Variants in CPAMD8 observed in about 807,000 individuals in gnomAD.
CPAMD8 encodes C3 and PZP-like alpha-2-macroglobulin domain-containing protein 8.
Under a neutral mutation model 224.7 loss-of-function variants are expected in CPAMD8, and 146 were observed. That is an observed-to-expected ratio of 0.65 (90% CI 0.57 to 0.75). CPAMD8 has a LOEUF of 0.75. Among genes scored for constraint, CPAMD8 ranks in the 30% least tolerant of loss-of-function variants. The pLI is 0.00. For synonymous variants in CPAMD8, 966 were observed against 1,044.6 expected, an observed-to-expected ratio of 0.92 and a Z score of 1.45; for missense variants, 2,301 against 2,537.5, an observed-to-expected ratio of 0.91 and a Z score of 2.00.
chr19:16,939,019 C>G (rs556374251), intron 22 of CPAMD8, among the ~76,000 whole-genome samples: 30 of 152,316 alleles, frequency 2.0e-4, no homozygotes, highest in Admixed American at 7.8e-4. Flanking sequence ...ATTTAACCCC[C>G]TATACCTTGC....
In CPAMD8 at chr19:16,899,281, C is replaced by A. The variant is rs1351414370; in HGVS notation, c.4848+194G>T. Among the ~76,000 whole-genome samples, 1 of 152,050 alleles carries A rather than the reference C, an allele frequency of 6.6e-6. No homozygotes were observed. The highest frequency in any genetic ancestry group is 2.4e-5 in the African/African-American group (1 of 41,414). ...CATGTTGCCCAGGCTGGTCTCGAAC[C>A]CCTGAGCTCAAGTGATCCTCCCACC... On this transcript the variant is annotated intron_variant, in intron 37 of 41. Transcript: ENST00000443236. This position sits in a 1 kb window ranked among gnomAD's most constrained non-coding sequence, Gnocchi z 5.4.
intron 22 of CPAMD8, among the ~76,000 whole-genome samples, chr19:16,938,766 C>A (rs527509700): frequency 6.6e-6 from 1 of 152,192 alleles, no homozygotes; most frequent in Non-Finnish European, 1.5e-5. Context: ...TTCCTCCCAT[C>A]TCCCTCTGGG....
chr19:16,907,066 G>T lies in CPAMD8; in HGVS notation c.3913C>A (p.Pro1305Thr). Reference sequence around the variant, plus strand: ...CAGCTATAAGGGTCCATGGCCAGGGGCGCAGCAGACTCCAGGAAGTGCCTC... The same window carrying T: ...CAGCTATAAGGGTCCATGGCCAGGGTCGCAGCAGACTCCAGGAAGTGCCTC... ...KARHFLESAA[P>T]LAMDPYSCAL... Residue 1305 changes from proline to threonine, a missense_variant, in exon 30 of 42, where the codon CCC becomes ACC. Physicochemically the swap from Pro to Thr is conservative, Grantham distance 38. This residue lies in a region of CPAMD8 where 1,709 missense variants were observed against 1,753.2 expected (regional missense o/e 0.97). Transcript: ENST00000443236. The T allele has an allele frequency of 6.2e-7, 1 of 1,600,976 alleles. No homozygotes were observed. The highest frequency in any genetic ancestry group is 8.5e-7 in the Non-Finnish European group (1 of 1,173,332).
Position 16,993,445 on chromosome 19 carries a change from G to A in CPAMD8, c.1237C>T (p.Pro413Ser), listed in dbSNP as rs1599865200. ...GLVGFEIPSI[P>S]TSAQHVWLET... Reference sequence around the variant, plus strand: ...AGCCACACGTGCTGGGCTGACGTGGGGATGGAGGGGATTTCAAACCCCACT... The same window carrying A: ...AGCCACACGTGCTGGGCTGACGTGGAGATGGAGGGGATTTCAAACCCCACT... Residue 413 changes from proline (P) to serine (S), a missense_variant, in exon 12 of 42, where the codon CCC becomes TCC. Pro to Ser is a moderately conservative substitution (Grantham distance 74). Coordinates refer to ENST00000443236, the MANE Select transcript of CPAMD8 (RefSeq NM_015692.5). 1.2e-6 allele frequency: 2 copies of A among 1,613,778 alleles called. No individual in the cohort carries two copies. The highest frequency in any genetic ancestry group is 1.7e-6 in the Non-Finnish European group (2 of 1,179,784).
chr19:16,986,454 G>C (rs1433320411), intron 13 of CPAMD8, among the ~76,000 whole-genome samples: 2 of 152,170 alleles, frequency 1.3e-5, no homozygotes, highest in East Asian at 3.9e-4. Flanking sequence ...CCCCTGAGGA[G>C]GAGGCCAGCA....
rs2052378410 is a variant in CPAMD8 at position 16,904,216 on chromosome 19, C to A, written c.4251+10G>T. The A allele has an allele frequency of 1.3e-6, 2 of 1,598,240 alleles. No homozygotes were observed. The highest frequency in any genetic ancestry group is 1.7e-6 in the Non-Finnish European group (2 of 1,173,070). ...CCCTGAGCCCCTCCCTCTGGCCCTG[C>A]CCGGCTCGCCTGAGTGGAGGAGAAG... On this transcript the variant is annotated intron_variant, in intron 32 of 41. Transcript: ENST00000443236.
intron 23 of CPAMD8, among the ~76,000 whole-genome samples, chr19:16,934,928 G>A (rs116033343): frequency 0.015 from 2,268 of 152,100 alleles, 38 homozygotes; most frequent in Middle Eastern, 0.037. Context: ...TTTTCATCCT[G>A]TAAAACTGTA....
At chr19:17,009,902 G>C (rs1325795968) in intron 5 of CPAMD8, among the ~76,000 whole-genome samples, 3 of 152,186 alleles carry the variant, frequency 2.0e-5, no homozygotes, top group Non-Finnish European at 4.4e-5. Context: ...GGAGGATCCA[G>C]TATTGCTTCT....
At chr19:16,902,952 G>C (rs2052323924) in intron 34 of CPAMD8, 89 bp from the exon 35 acceptor site, 3 of 712,532 alleles carry the variant, frequency 4.2e-6, no homozygotes, top group Non-Finnish European at 7.1e-6. Context: ...TGGGGAGGTG[G>C]GAACAGCCAG....
chr19:16,935,409 C>G (rs1322765215), intron 23 of CPAMD8, among the ~76,000 whole-genome samples: 6 of 152,074 alleles, frequency 3.9e-5, no homozygotes, highest in Admixed American at 1.3e-4. Flanking sequence ...ATATCCATCC[C>G]CTACTTCCTT....
intron 27 of CPAMD8, among the ~76,000 whole-genome samples, chr19:16,916,515 G>C (rs1200793189): frequency 6.6e-6 from 1 of 152,086 alleles, no homozygotes; most frequent in Non-Finnish European, 1.5e-5. Context: ...GCTTCCCAAA[G>C]TGCTGGGATT....
rs1211233752 is a variant in CPAMD8, at chr19:16,899,721, G to A, written c.4774-172C>T. Among the ~76,000 whole-genome samples the A allele has an allele frequency of 2.0e-5, 3 of 152,068 alleles. No homozygotes were observed. The highest frequency in any genetic ancestry group is 4.4e-5 in the Non-Finnish European group (3 of 68,016). On this transcript the variant is annotated intron_variant, in intron 36 of 41. Transcript: ENST00000443236. This position sits in a 1 kb window ranked among gnomAD's most constrained non-coding sequence, Gnocchi z 5.4. Reference sequence around the variant, plus strand: ...CCTGCCAGCCTCTCAGCACCCAGGAGAGGACGCTCAAGGATGGCTATCCCC... The same window carrying A: ...CCTGCCAGCCTCTCAGCACCCAGGAAAGGACGCTCAAGGATGGCTATCCCC...
intron 23 of CPAMD8, among the ~76,000 whole-genome samples, chr19:16,932,123 A>T (rs764624497): frequency 6.6e-6 from 1 of 152,190 alleles, no homozygotes; most frequent in African/African-American, 2.4e-5. Context: ...GTAATTTTGG[A>T]AAAATAATTC....
intron 18 of CPAMD8, among the ~76,000 whole-genome samples, chr19:16,961,377 G>A (rs2054648876): frequency 6.6e-6 from 1 of 152,270 alleles, no homozygotes; most frequent in African/African-American, 2.4e-5. Flanking sequence ...ATGCCTGGCT[G>A]GGCGGGTCCC....
chr19:16,983,701 G>T (rs78389051), intron 13 of CPAMD8, among the ~76,000 whole-genome samples: 1 of 150,994 alleles, frequency 6.6e-6, no homozygotes, highest in African/African-American at 2.4e-5. Flanking sequence ...GGCCATGAGT[G>T]GGATAACTTG....
At chr19:16,995,974 AC>A (rs1275749116) in intron 11 of CPAMD8, among the ~76,000 whole-genome samples, 1 of 151,736 alleles carries the variant, frequency 6.6e-6, no homozygotes. Context: ...ATGTGGTGAA[AC>A]CCCGTCTCTA....
In CPAMD8 at chr19:16,899,535, CT is replaced by C; in HGVS notation, c.4787del (p.Lys1596SerfsTer5). On this transcript the variant is annotated frameshift_variant, in exon 37 of 42. Coordinates refer to ENST00000443236, the MANE Select transcript of CPAMD8 (RefSeq NM_015692.5). LOFTEE classifies it high-confidence loss of function. The surrounding 1 kb of genome is among the most constrained non-coding windows in gnomAD (Gnocchi z 5.4). ...CTTCATACCTCTTCATCCCCATGTG[CT>C]TGTCAAGGAGCAGCTGCAGAGGAAG... ...IESLEQLLLD[K>X]HMGMKRYEVA... The C allele has an allele frequency of 6.4e-7, 1 of 1,552,792 alleles. No homozygotes were observed. The highest frequency in any genetic ancestry group is 8.9e-7 in the Non-Finnish European group (1 of 1,124,436).
chr19:16,937,799 C>T (rs536007301), intron 23 of CPAMD8, among the ~76,000 whole-genome samples: 22 of 152,108 alleles, frequency 1.4e-4, no homozygotes, highest in South Asian at 4.2e-4. Flanking sequence ...ATTACAGGTG[C>T]GTGCCACCAC....
At chr19:16,894,763 C>T (rs942621727) in intron 41 of CPAMD8, 8 of 270,180 alleles carry the variant, frequency 3.0e-5, no homozygotes, top group Admixed American at 1.2e-4. Flanking sequence ...AACTCCAGGC[C>T]GGGCACAGTG....
Sources: gnomAD v4.1 joint callset for allele counts (sites outside exome capture counted in the v4.1 genomes callset) on GRCh38, gnomAD v4.1.1 for gene constraint, gnomAD v4.1.1 regional missense constraint, Gnocchi (gnomAD v3.1) non-coding constraint, MANE v1.5 for transcripts, NCBI Gene and HGNC (gene_info 2026-07-23, HGNC 2026-07-21) for gene names.